Variants in TRPM7 observed in about 807,000 individuals in gnomAD.
TRPM7 encodes the protein transient receptor potential cation channel subfamily M member 7, also known as LTRPC ion channel family member 7.
A neutral mutation model predicts 229.7 loss-of-function variants in TRPM7; 134 were observed. The ratio of observed to expected loss-of-function variants is 0.58; its 90% CI spans 0.51 to 0.67. The LOEUF (loss-of-function observed/expected upper bound fraction) is 0.67. TRPM7 is among the 30% of genes least tolerant of loss of function. The pLI is 0.00. For missense variants in TRPM7, 1,901 were observed against 2,210.0 expected, an observed-to-expected ratio of 0.86 and a Z score of 2.80; for synonymous variants, 699 against 715.2, an observed-to-expected ratio of 0.98 and a Z score of 0.36.
At position 50,631,496 on chromosome 15, in the gene TRPM7, A is replaced by G. The variant is rs755397798; in HGVS notation, c.1132-7T>C. 6.3e-7 allele frequency: 1 copy of G among 1,575,582 alleles called. No individual in the cohort carries two copies. The highest frequency in any genetic ancestry group is 1.1e-5 in the South Asian group (1 of 89,508). On this transcript the variant is annotated splice_polypyrimidine_tract_variant and splice_region_variant and intron_variant, in intron 9 of 38. Transcript: ENST00000646667. ...CAATATGGAAAACAGTGATCTATTT[A>G]AAGATAAATTTATAACATTATGCCT...
chr15:50,639,303 C>T, intron 6 of TRPM7, 121 bp downstream of exon 6: 1 of 804,754 alleles, frequency 1.2e-6, no homozygotes, highest in South Asian at 4.9e-5. Flanking sequence ...CAGGAAAATA[C>T]CTTTTAAACT....
chr15:50,681,639 C>G (rs2062241569), intron 1 of TRPM7, among the ~76,000 whole-genome samples: 1 of 152,188 alleles, frequency 6.6e-6, no homozygotes, highest in Non-Finnish European at 1.5e-5. Context: ...AACTCTGTCT[C>G]AGGGTTGCTA....
intron 1 of TRPM7, among the ~76,000 whole-genome samples, chr15:50,684,990 CT>C (rs1567134846): frequency 1.3e-5 from 2 of 152,098 alleles, no homozygotes; most frequent in Non-Finnish European, 2.9e-5. Context: ...TTAAAAAGTC[CT>C]TGTCTTTTTA....
intron 1 of TRPM7, among the ~76,000 whole-genome samples, chr15:50,684,258 T>A (rs2062308795): frequency 6.6e-6 from 1 of 151,238 alleles, no homozygotes; most frequent in Admixed American, 6.6e-5. Flanking sequence ...GTTCAAGCGA[T>A]TCTCCTGCCT....
chr15:50,612,113 C>T (rs2060076964), intron 16 of TRPM7, among the ~76,000 whole-genome samples: 2 of 152,128 alleles, frequency 1.3e-5, no homozygotes, highest in African/African-American at 4.8e-5. Flanking sequence ...TGTTTCGAGA[C>T]AGGGTCTATT....
chr15:50,646,884 T>C (rs1357263060), intron 4 of TRPM7, among the ~76,000 whole-genome samples: 1 of 152,214 alleles, frequency 6.6e-6, no homozygotes, highest in Non-Finnish European at 1.5e-5. Flanking sequence ...TGTGTTACAC[T>C]GTTACACCTG....
chr15:50,622,478 C>G (rs1409455967), intron 12 of TRPM7, among the ~76,000 whole-genome samples: 3 of 152,046 alleles, frequency 2.0e-5, no homozygotes, highest in Admixed American at 6.6e-5. Context: ...CTTTATAGTT[C>G]AGGTATAAAC....
At chr15:50,581,048 C>CAATA in intron 29 of TRPM7, 140 bp from the exon 30 acceptor site, 1 of 663,308 alleles carries the variant, frequency 1.5e-6, no homozygotes, top group Non-Finnish European at 2.4e-6. Flanking sequence ...TTTCATAAAA[C>CAATA]AATAAATTTA....
At chr15:50,584,124 A>C (rs1347464240) in intron 28 of TRPM7, among the ~76,000 whole-genome samples, 1 of 152,202 alleles carries the variant, frequency 6.6e-6, no homozygotes, top group Non-Finnish European at 1.5e-5. Flanking sequence ...CTTCCAAAAA[A>C]AGTCAGGTCA....
chr15:50,588,018 C>T (rs991502495), intron 27 of TRPM7, among the ~76,000 whole-genome samples: 15 of 152,184 alleles, frequency 9.9e-5, no homozygotes, highest in African/African-American at 3.4e-4. Flanking sequence ...TGAACTTGAT[C>T]CATTTATTTA....
rs2061914745 is a variant in TRPM7, at chr15:50,667,678, G to C, written c.4-4632C>G. Among the ~76,000 whole-genome samples the C allele has an allele frequency of 2.6e-5, 4 of 152,192 alleles. No individual in the cohort carries two copies. In the South Asian group the frequency reaches 8.3e-4, roughly 31 times the overall value. ...GCCAAGACTGTGCCACTGCACTCCA[G>C]CCTGGGCAACAGAAGGAGACTCCAT... On this transcript the variant is annotated intron_variant, in intron 1 of 38. Coordinates refer to ENST00000646667, the MANE Select transcript of TRPM7 (RefSeq NM_017672.6).
chr15:50,578,491 G>GA, intron 31 of TRPM7, 148 bp downstream of exon 31: 1 of 515,602 alleles, frequency 1.9e-6, no homozygotes, highest in Non-Finnish European at 3.3e-6. Flanking sequence ...ACAGTAAGGA[G>GA]AAAGTATATG....
chr15:50,589,319 C>T lies in TRPM7; in HGVS notation c.4389+273G>A, dbSNP rs1489888745. 3.7e-5 allele frequency among the ~76,000 whole-genome samples: 3 copies of T among 81,596 alleles called. No individual in the cohort carries two copies. The East Asian group carries it at 1.2e-3, about 33-fold the overall frequency. The allele number at this position is 81,596 out of a possible 152,430, so 53.5% of individuals were successfully genotyped here. ...CCCAGGTGACAGCGAGACTCCGTCTCAAAAAAAAAAAAAAAAAAAAAAGAG... is the reference window on the plus strand; with the variant it reads ...CCCAGGTGACAGCGAGACTCCGTCTTAAAAAAAAAAAAAAAAAAAAAAGAG... On this transcript the variant is annotated intron_variant, in intron 27 of 38. Transcript: ENST00000646667.
In TRPM7 at chr15:50,639,528, CTCCAACATGTTT is replaced by C; in HGVS notation, c.544_555del (p.Lys182_Gly185del). On this transcript the variant is annotated inframe_deletion, in exon 6 of 39. Transcript: ENST00000646667. Reference sequence around the variant, plus strand: ...CTGGAAGCATGTTCTTTGAGGGCATCTCCAACATGTTTTGCCACACCTGTTCATAAAAAAAGT... The same window carrying C: ...CTGGAAGCATGTTCTTTGAGGGCATCTGCCACACCTGTTCATAAAAAAAGT... 6.2e-7 allele frequency: 1 copy of C among 1,610,390 alleles called. No individual in the cohort carries two copies. The highest frequency in any genetic ancestry group is 8.5e-7 in the Non-Finnish European group (1 of 1,177,660).
intron 30 of TRPM7, among the ~76,000 whole-genome samples, chr15:50,579,938 C>T (rs1238811990): frequency 6.6e-6 from 1 of 152,172 alleles, no homozygotes. Flanking sequence ...AAGCGCACAC[C>T]ACTATACCCA....
intron 3 of TRPM7, among the ~76,000 whole-genome samples, chr15:50,653,882 A>C (rs953338634): frequency 1.2e-4 from 18 of 152,148 alleles, no homozygotes; most frequent in Admixed American, 4.6e-4. Context: ...ACGGGGTCCT[A>C]AAGGTCTGGA....
chr15:50,588,979 C>T lies in TRPM7; in HGVS notation c.4389+613G>A, dbSNP rs111526393. Among the ~76,000 whole-genome samples, 202 of 152,154 alleles carry T rather than the reference C, an allele frequency of 1.3e-3. 1 individual carries two copies. The highest frequency in any genetic ancestry group is 4.8e-3 in the African/African-American group (198 of 41,530). ...CTTTTGGATCTGGGAAGAGTGAGCT[C>T]ATTAAGTATTTAATCAGTGGAAAAC... On this transcript the variant is annotated intron_variant, in intron 27 of 38. Transcript: ENST00000646667.
rs1331180389 is a variant in TRPM7, at chr15:50,612,555, T to C, written c.2045A>G (p.Tyr682Cys). The part of the protein sequence containing the change: ...VDDTSEELKQ[Y>C]SNDFGQLAVE... ...ATGATAAAATACCACTTACTTGGAA[T>C]ACTGTTTTAGTTCTTCTGAAGTATC... The change falls in exon 16 of 39, where the codon TAT becomes TGT. Residue 682 changes from tyrosine (Y) to cysteine (C), a missense_variant. Physicochemically the swap from Tyr to Cys is radical, Grantham distance 194. Around this residue, in one of 8 missense-constraint regions of TRPM7, gnomAD observed 794 missense variants for 881.9 expected, o/e 0.90. Coordinates refer to ENST00000646667, the MANE Select transcript of TRPM7 (RefSeq NM_017672.6). 6.2e-7 allele frequency: 1 copy of C among 1,604,352 alleles called. No homozygotes were observed. The highest frequency in any genetic ancestry group is 8.5e-7 in the Non-Finnish European group (1 of 1,174,078).
In TRPM7 at chr15:50,686,521, G is replaced by A; in HGVS notation, c.3+10C>T. 2 of 1,612,684 alleles carry A rather than the reference G, an allele frequency of 1.2e-6. No homozygotes were observed. The highest frequency in any genetic ancestry group is 8.5e-7 in the Non-Finnish European group (1 of 1,179,294). On this transcript the variant is annotated intron_variant, in intron 1 of 38. Transcript: ENST00000646667. The stretch of plus-strand genomic sequence containing the variant: ...ACCATTCCCCGCCCGGGCCTGCGTG[G>A]GTCCAGTACCATTCTCCTCACGGGG...
Sources: allele counts gnomAD v4.1 joint callset (sites outside exome capture counted in the v4.1 genomes callset), GRCh38; gene constraint gnomAD v4.1.1; regional missense constraint gnomAD v4.1.1; transcripts MANE v1.5; gene names NCBI Gene and HGNC (gene_info 2026-07-23, HGNC 2026-07-21).